Variants in CCSER1 observed in about 807,000 individuals in gnomAD.
CCSER1 encodes the protein coiled-coil serine rich protein 1.
In CCSER1, 41 loss-of-function variants were observed where a neutral mutation model predicts 82.0. The observed-to-expected ratio is 0.50, with a 90% CI of 0.39 to 0.65. The LOEUF is 0.65. Ranked by LOEUF, CCSER1 falls within the 30% of genes least tolerant of loss-of-function variation. The pLI is 0.00. For missense variants in CCSER1, 1,119 were observed against 1,064.2 expected, an observed-to-expected ratio of 1.05 and a Z score of -0.72; for synonymous variants, 414 against 383.9, an observed-to-expected ratio of 1.08 and a Z score of -0.92.
chr4:90,435,055 A>C (rs867064163), intron 4 of CCSER1, among the ~76,000 whole-genome samples: 1 of 152,172 alleles, frequency 6.6e-6, no homozygotes, highest in African/African-American at 2.4e-5. Context: ...TAATACAAGC[A>C]AAAGTAATTT....
chr4:90,176,226 A>T (rs1249425750), intron 1 of CCSER1, among the ~76,000 whole-genome samples: 1 of 152,034 alleles, frequency 6.6e-6, no homozygotes, highest in East Asian at 1.9e-4. Context: ...AGAGAGCACC[A>T]AACAGTCTTC....
chr4:90,993,703 C>A (rs1483552318), intron 9 of CCSER1, among the ~76,000 whole-genome samples: 1 of 151,966 alleles, frequency 6.6e-6, no homozygotes, highest in Non-Finnish European at 1.5e-5. Context: ...GCTGAGAAAT[C>A]ATCTATCTTG....
chr4:90,788,369 C>T (rs1754799974), intron 7 of CCSER1, among the ~76,000 whole-genome samples: 1 of 152,086 alleles, frequency 6.6e-6, no homozygotes, highest in Non-Finnish European at 1.5e-5. Context: ...AACTGAGTGG[C>T]TTAGACAATG....
intron 10 of CCSER1, among the ~76,000 whole-genome samples, chr4:91,422,959 C>T (rs905622115): frequency 4.6e-5 from 7 of 151,890 alleles, no homozygotes; most frequent in Admixed American, 6.6e-5. Context: ...ATAAATATAG[C>T]GTATTTGTGG....
intron 10 of CCSER1, among the ~76,000 whole-genome samples, chr4:91,183,319 G>A (rs188909260): frequency 5.3e-5 from 8 of 152,306 alleles, no homozygotes; most frequent in South Asian, 2.1e-4. Context: ...AGGATAGGAC[G>A]TCTGGAAAAC....
At chr4:91,563,302 G>A (rs1762740254) in intron 10 of CCSER1, among the ~76,000 whole-genome samples, 1 of 151,518 alleles carries the variant, frequency 6.6e-6, no homozygotes, top group Non-Finnish European at 1.5e-5. Flanking sequence ...GAATTCAATA[G>A]CATATCAAAA....
At chr4:91,201,002 A>C (rs1215803040) in intron 10 of CCSER1, among the ~76,000 whole-genome samples, 1 of 152,042 alleles carries the variant, frequency 6.6e-6, no homozygotes, top group Non-Finnish European at 1.5e-5. Flanking sequence ...AAGTAGTATC[A>C]AGAACAATTT....
intron 5 of CCSER1, among the ~76,000 whole-genome samples, chr4:90,534,320 G>A (rs143278752): frequency 2.0e-5 from 3 of 152,042 alleles, no homozygotes; most frequent in East Asian, 3.9e-4. Context: ...TAGTAGAGAC[G>A]GGGTTTCACC....
At chr4:91,246,173 T>C (rs1739757396) in intron 10 of CCSER1, among the ~76,000 whole-genome samples, 1 of 152,066 alleles carries the variant, frequency 6.6e-6, no homozygotes, top group African/African-American at 2.4e-5. Context: ...ACATAAACAG[T>C]ACAATTAAAA....
intron 9 of CCSER1, among the ~76,000 whole-genome samples, chr4:90,931,048 A>AAT (rs1186011371): frequency 6.7e-6 from 1 of 148,312 alleles, no homozygotes; most frequent in Non-Finnish European, 1.5e-5. Context: ...ATATATTTGA[A>AAT]ATATATATAT....
intron 4 of CCSER1, among the ~76,000 whole-genome samples, chr4:90,456,780 A>C (rs527299535): frequency 7.2e-5 from 11 of 152,298 alleles, no homozygotes; most frequent in East Asian, 1.9e-4. Context: ...GGGATTCCCC[A>C]AAAAAGGACA....
intron 1 of CCSER1, among the ~76,000 whole-genome samples, chr4:90,128,775 G>T: frequency 6.6e-6 from 1 of 152,098 alleles, no homozygotes; most frequent in Non-Finnish European, 1.5e-5. Context: ...TTATGGCAAA[G>T]AGTTGTGAAA....
intron 10 of CCSER1, among the ~76,000 whole-genome samples, chr4:91,416,557 G>A (rs922255323): frequency 6.6e-6 from 1 of 151,998 alleles, no homozygotes; most frequent in Non-Finnish European, 1.5e-5. Context: ...CTGCATACCT[G>A]CAATCATCTT....
chr4:90,143,975 C>T (rs151130373), intron 1 of CCSER1, among the ~76,000 whole-genome samples: 1 of 152,226 alleles, frequency 6.6e-6, no homozygotes, highest in African/African-American at 2.4e-5. Flanking sequence ...CAGGCATGAG[C>T]CACCAATCCT....
chr4:90,662,368 T>C (rs1479301129), intron 6 of CCSER1, among the ~76,000 whole-genome samples: 1 of 151,994 alleles, frequency 6.6e-6, no homozygotes, highest in Non-Finnish European at 1.5e-5. Flanking sequence ...TGATATAGGG[T>C]CTGCTACTTA....
intron 7 of CCSER1, among the ~76,000 whole-genome samples, chr4:90,779,370 C>G (rs1753430437): frequency 6.6e-6 from 1 of 151,806 alleles, no homozygotes; most frequent in African/African-American, 2.4e-5. Context: ...CTAGGTTTTC[C>G]TGGAATCTAA....
chr4:90,939,963 C>T (rs1386940943), intron 9 of CCSER1, among the ~76,000 whole-genome samples: 1 of 151,828 alleles, frequency 6.6e-6, no homozygotes, highest in Non-Finnish European at 1.5e-5. Context: ...ATACTTAAAA[C>T]CTTTAAATGT....
chr4:90,272,013 G>T (rs1726628927), intron 1 of CCSER1, among the ~76,000 whole-genome samples: 1 of 150,848 alleles, frequency 6.6e-6, no homozygotes, highest in Admixed American at 6.6e-5. Flanking sequence ...AGTGTGTGAG[G>T]AAGGAACTGT....
intron 9 of CCSER1, among the ~76,000 whole-genome samples, chr4:90,962,135 C>G (rs1409406117): frequency 1.3e-5 from 2 of 151,932 alleles, no homozygotes; most frequent in Non-Finnish European, 2.9e-5. Flanking sequence ...TATGATAATA[C>G]ATGTTAATAG....
Sources: gnomAD v4.1 joint callset for allele counts (sites outside exome capture counted in the v4.1 genomes callset) on GRCh38, gnomAD v4.1.1 for gene constraint, MANE v1.5 for transcripts, NCBI Gene and HGNC (gene_info 2026-07-23, HGNC 2026-07-21) for gene names.